Variants in SERGEF observed in about 807,000 individuals in gnomAD.
The protein encoded by SERGEF is secretion-regulating guanine nucleotide exchange factor.
In SERGEF, 51 loss-of-function variants were observed where a neutral mutation model predicts 50.0. The observed-to-expected ratio is 1.02, with a 90% CI of 0.81 to 1.29. SERGEF has a LOEUF of 1.29. Ranked by LOEUF, SERGEF falls within the 50% of genes most tolerant of loss-of-function variation. The pLI is 0.00. For missense variants in SERGEF, 521 were observed against 557.0 expected (o/e 0.94, Z 0.65); for synonymous variants, 205 against 212.4 (o/e 0.97, Z 0.30).
At chr11:17,959,659 T>C in intron 8 of SERGEF, 23 bp from the exon 9 acceptor site, 1 of 1,596,846 alleles carries the variant, frequency 6.3e-7, no homozygotes, top group Non-Finnish European at 8.5e-7. Flanking sequence ...ATTATTTGAA[T>C]TAAGACTACA....
At chr11:18,012,764 G>A (rs1421273821) in intron 1 of SERGEF, 187 bp downstream of exon 1, 1 of 1,439,576 alleles carries the variant, frequency 6.9e-7, no homozygotes, top group East Asian at 2.8e-5. Context: ...CGACCGCGAA[G>A]ACCCTTCCTT....
chr11:18,009,708 A>T (rs187095388), intron 1 of SERGEF, among the ~76,000 whole-genome samples: 2 of 152,324 alleles, frequency 1.3e-5, no homozygotes, highest in East Asian at 3.9e-4. Context: ...TCCCCTTGAC[A>T]GGCAATATGT....
chr11:17,812,959 G>A (rs549791804), intron 10 of SERGEF, among the ~76,000 whole-genome samples: 165 of 152,200 alleles, frequency 1.1e-3, no homozygotes, highest in African/African-American at 3.8e-3. Flanking sequence ...CCTCCTCTCC[G>A]ACATCAGATC....
intron 10 of SERGEF, among the ~76,000 whole-genome samples, chr11:17,833,298 A>C (rs1850344596): frequency 6.6e-6 from 1 of 152,172 alleles, no homozygotes; most frequent in South Asian, 2.1e-4. Flanking sequence ...CAGCTTCCAC[A>C]TGGTGTTGAG....
intron 10 of SERGEF, among the ~76,000 whole-genome samples, chr11:17,872,562 C>T (rs1851160546): frequency 6.6e-6 from 1 of 152,132 alleles, no homozygotes; most frequent in South Asian, 2.1e-4. Flanking sequence ...GGCATAGCCC[C>T]TATGGAGGCC....
At chr11:17,951,198 C>T (rs1437292260) in intron 9 of SERGEF, among the ~76,000 whole-genome samples, 1 of 152,166 alleles carries the variant, frequency 6.6e-6, no homozygotes, top group Non-Finnish European at 1.5e-5. Context: ...AAAACCTGTA[C>T]CCGAAGCAGC....
chr11:17,960,580 G>C (rs1486477927), intron 8 of SERGEF, among the ~76,000 whole-genome samples: 1 of 152,168 alleles, frequency 6.6e-6, no homozygotes, highest in Non-Finnish European at 1.5e-5. Flanking sequence ...AAAACACAGA[G>C]CAGTGCATAT....
At chr11:17,841,751 A>G (rs1347705309) in intron 10 of SERGEF, among the ~76,000 whole-genome samples, 1 of 152,252 alleles carries the variant, frequency 6.6e-6, no homozygotes, top group Non-Finnish European at 1.5e-5. Flanking sequence ...ATGGCCTGCA[A>G]GAACCTAATC....
intron 9 of SERGEF, among the ~76,000 whole-genome samples, chr11:17,903,507 T>C (rs566543174): frequency 2.0e-5 from 3 of 152,302 alleles, no homozygotes; most frequent in Admixed American, 1.3e-4. Flanking sequence ...TTACCCTAGA[T>C]AGATTGTAGA....
At chr11:17,935,629 C>T (rs181767155) in intron 9 of SERGEF, among the ~76,000 whole-genome samples, 6 of 152,144 alleles carry the variant, frequency 3.9e-5, no homozygotes, top group East Asian at 1.9e-4. Flanking sequence ...TAATTAGGAA[C>T]GAGAATTGGA....
intron 10 of SERGEF, among the ~76,000 whole-genome samples, chr11:17,829,369 C>T (rs1268349445): frequency 6.6e-6 from 1 of 152,180 alleles, no homozygotes; most frequent in African/African-American, 2.4e-5. Context: ...TTCTAATTAG[C>T]GTCTCCCTCC....
rs908618726 is a variant in SERGEF, at chr11:17,888,834, A to G, written c.1012-10590T>C. 5.3e-5 allele frequency among the ~76,000 whole-genome samples: 8 copies of G among 152,300 alleles called. No homozygotes were observed. The highest frequency in any genetic ancestry group is 1.7e-4 in the African/African-American group (7 of 41,570). On this transcript the variant is annotated intron_variant, in intron 9 of 10. Coordinates refer to ENST00000265965, the MANE Select transcript of SERGEF (RefSeq NM_012139.4). This position sits in a 1 kb window ranked among gnomAD's most constrained non-coding sequence, Gnocchi z 4.1. ...GGCTGATTCTAGGGTTGGGATGAGGAAAGAACAGTTTGAGCCTGGAACATG... is the reference window on the plus strand; with the variant it reads ...GGCTGATTCTAGGGTTGGGATGAGGGAAGAACAGTTTGAGCCTGGAACATG...
intron 8 of SERGEF, among the ~76,000 whole-genome samples, chr11:17,964,763 G>C (rs1853082785): frequency 6.6e-6 from 1 of 152,184 alleles, no homozygotes; most frequent in Non-Finnish European, 1.5e-5. Context: ...ACAAGCACCA[G>C]TTACTCTCTG....
chr11:17,793,556 G>A (rs767076275), intron 10 of SERGEF, among the ~76,000 whole-genome samples: 1 of 152,210 alleles, frequency 6.6e-6, no homozygotes, highest in Non-Finnish European at 1.5e-5. Context: ...AGGAAGGAGA[G>A]TGGCCTACAG....
Position 17,959,519 on chromosome 11 carries a change from G to A in SERGEF, c.962C>T (p.Pro321Leu). The A allele has an allele frequency of 1.2e-6, 2 of 1,614,022 alleles. No individual in the cohort carries two copies. Among genetic ancestry groups the A allele is most frequent in the South Asian group, 1.1e-5 (1 of 91,066 alleles). Residue 321 changes from proline (P) to leucine (L), a missense_variant, in exon 9 of 11, where the codon CCA becomes CTA. By Grantham distance (98) the Pro-to-Leu change is moderately conservative. Transcript: ENST00000265965. Reference protein sequence around the residue: ...KQDSFLPCSRPPNSMPSSPHC... With the variant: ...KQDSFLPCSRLPNSMPSSPHC... ...CGGAGACGAAGGCATGCTGTTCGGT[G>A]GTCTTGAACAGGGGAGAAATGAATC...
intron 10 of SERGEF, among the ~76,000 whole-genome samples, chr11:17,847,101 T>C (rs1266853609): frequency 6.6e-6 from 1 of 152,244 alleles, no homozygotes; most frequent in Non-Finnish European, 1.5e-5. Context: ...GCAGCACCGC[T>C]GCAGCCCCTG....
At chr11:17,855,640 A>T (rs1339705806) in intron 10 of SERGEF, 1 of 152,208 alleles carries the variant, frequency 6.6e-6, no homozygotes, top group Non-Finnish European at 1.5e-5. Context: ...AAAATGTGAA[A>T]CTTTTGCATT....
rs752941900 is a variant in SERGEF, at chr11:17,878,263, A to G, written c.1012-19T>C. 6.6e-7 allele frequency: 1 copy of G among 1,519,512 alleles called. No individual in the cohort carries two copies. The highest frequency in any genetic ancestry group is 1.2e-5 in the South Asian group (1 of 85,458). The allele number at this position is 1,519,512 out of a possible 1,614,324, so 94.1% of individuals were successfully genotyped here. On this transcript the variant is annotated intron_variant, in intron 9 of 10. Coordinates refer to ENST00000265965, the MANE Select transcript of SERGEF (RefSeq NM_012139.4). ...AAGAGACCTGTAAAAAAAAAAAAAGACAAAGAAAATGGATAGATATTTCAG... is the reference window on the plus strand; with the variant it reads ...AAGAGACCTGTAAAAAAAAAAAAAGGCAAAGAAAATGGATAGATATTTCAG...
At position 17,995,873 on chromosome 11, in the gene SERGEF, G is replaced by A. The variant is rs1449325869; in HGVS notation, c.545C>T (p.Ala182Val). The change falls in exon 6 of 11, where the codon GCA (alanine) becomes GTA (valine). Residue 182 changes from alanine to valine, a missense_variant. Ala to Val is a moderately conservative substitution (Grantham distance 64). Transcript: ENST00000265965. ...AGGGCACAACCGTCGTCCACATGATGCCAAACCAGTCCCCCACTGGAACAC... is the reference window on the plus strand; with the variant it reads ...AGGGCACAACCGTCGTCCACATGATACCAAACCAGTCCCCCACTGGAACAC... ...GIVFQWGTGL[A>V]SCGRRLCPGQ... 1.2e-6 allele frequency: 2 copies of A among 1,613,964 alleles called. No homozygotes were observed. Among genetic ancestry groups the A allele is most frequent in the Admixed American group, 3.3e-5 (2 of 60,010 alleles).
Sources: allele counts gnomAD v4.1 joint callset (sites outside exome capture counted in the v4.1 genomes callset), GRCh38; gene constraint gnomAD v4.1.1; non-coding constraint Gnocchi (gnomAD v3.1); transcripts MANE v1.5; gene names NCBI Gene and HGNC (gene_info 2026-07-23, HGNC 2026-07-21).